LHX8: variants seen among roughly 807,000 people sequenced by gnomAD.
LHX8 encodes the protein LIM homeobox 8.
In LHX8, 12 loss-of-function variants were observed where a neutral mutation model predicts 40.3. The ratio of observed to expected loss-of-function variants is 0.30; its 90% CI spans 0.19 to 0.48. The LOEUF is 0.48. Among genes scored for constraint, LHX8 ranks in the 20% least tolerant of loss-of-function variants. The pLI, the probability that LHX8 is intolerant of heterozygous loss-of-function variation, is 0.99. For synonymous variants in LHX8, 179 were observed against 162.0 expected, an observed-to-expected ratio of 1.10 and a Z score of -0.80; for missense variants, 344 against 433.7, an observed-to-expected ratio of 0.79 and a Z score of 1.84.
chr1:75,188,988 A>G, the LHX8 span, among the ~76,000 whole-genome samples: 1 of 152,114 alleles, frequency 6.6e-6, no homozygotes, highest in Admixed American at 6.5e-5. Flanking sequence ...CATATTTTGC[A>G]TTGACTTTGG....
At chr1:75,173,484 G>A in the LHX8 span, among the ~76,000 whole-genome samples, 7 of 141,242 alleles carry the variant, frequency 5.0e-5, no homozygotes, top group South Asian at 2.3e-4. Context: ...CCGGGTTCAC[G>A]CCATTCTCCT....
intron 7 of LHX8, among the ~76,000 whole-genome samples, chr1:75,156,577 T>C (rs1298242329): frequency 1.3e-5 from 2 of 152,068 alleles, no homozygotes; most frequent in African/African-American, 4.8e-5. Flanking sequence ...ATTCAAGGGG[T>C]AACCTTAACG....
rs1023162641 is a variant in LHX8, at chr1:75,155,427, A to G, written c.781-1466A>G. On this transcript the variant is annotated intron_variant, in intron 7 of 8. Transcript: ENST00000356261. Reference sequence around the variant, plus strand: ...TTTTTTGTATTTTTAGTAGAGATGGAGTTTCACTGTTTTAGCCAGGATGGT... The same window carrying G: ...TTTTTTGTATTTTTAGTAGAGATGGGGTTTCACTGTTTTAGCCAGGATGGT... 6.7e-4 allele frequency among the ~76,000 whole-genome samples: 101 copies of G among 151,720 alleles called. 1 individual carries two copies. Among genetic ancestry groups the G allele is most frequent in the Admixed American group, 3.3e-3 (50 of 15,222 alleles).
intron 1 of LHX8, among the ~76,000 whole-genome samples, chr1:75,136,361 C>G (rs1328965266): frequency 6.6e-6 from 1 of 151,942 alleles, no homozygotes; most frequent in African/African-American, 2.4e-5. Context: ...GCCGGAGACC[C>G]GGAGCCCGGG....
At chr1:75,184,151 A>G in the LHX8 span, among the ~76,000 whole-genome samples, 1 of 152,214 alleles carries the variant, frequency 6.6e-6, no homozygotes, top group Admixed American at 6.5e-5. Flanking sequence ...ACTCACGAAG[A>G]TACTTAGACT....
At chr1:75,129,477 G>A (rs1276601125), upstream of LHX8, among the ~76,000 whole-genome samples, 2 of 152,082 alleles carry the variant, frequency 1.3e-5, no homozygotes, top group Non-Finnish European at 2.9e-5. Flanking sequence ...GAGTTACACC[G>A]GAGGTGGAAG....
chr1:75,177,160 C>G, the LHX8 span, among the ~76,000 whole-genome samples: 4 of 152,102 alleles, frequency 2.6e-5, no homozygotes, highest in African/African-American at 4.8e-5. Context: ...AATGTGGGCT[C>G]TTTTTTGGTT....
At chr1:75,179,038 C>A in the LHX8 span, among the ~76,000 whole-genome samples, 1 of 152,142 alleles carries the variant, frequency 6.6e-6, no homozygotes, top group Non-Finnish European at 1.5e-5. Context: ...GTCTGAGAGG[C>A]AGTTTGTTGT....
chr1:75,150,245 T>G (rs1051297950), intron 7 of LHX8, among the ~76,000 whole-genome samples: 4 of 152,128 alleles, frequency 2.6e-5, no homozygotes, highest in East Asian at 1.9e-4. Flanking sequence ...CTCAAAAAAG[T>G]CAGTGACTTA....
the LHX8 span, among the ~76,000 whole-genome samples, chr1:75,177,455 T>C: frequency 6.6e-6 from 1 of 152,230 alleles, no homozygotes; most frequent in African/African-American, 2.4e-5. Context: ...GGGAGTTCAC[T>C]CGTGAATTGG....
At chr1:75,189,335 A>G in the LHX8 span, among the ~76,000 whole-genome samples, 11 of 152,204 alleles carry the variant, frequency 7.2e-5, no homozygotes, top group African/African-American at 2.4e-4. Flanking sequence ...TCTAAAGGGA[A>G]AGTTTGCCAT....
intron 8 of LHX8, among the ~76,000 whole-genome samples, chr1:75,157,527 G>A (rs193144986): frequency 3.3e-5 from 5 of 152,276 alleles, no homozygotes; most frequent in Middle Eastern, 3.4e-3. Context: ...TAAAATGAAT[G>A]TATCCATATA....
intron 3 of LHX8, 31 bp from the exon 4 acceptor site, chr1:75,140,954 G>A (rs771808595): frequency 1.2e-6 from 2 of 1,611,802 alleles, no homozygotes; most frequent in Non-Finnish European, 1.7e-6. Flanking sequence ...TCTTAAATAT[G>A]ATATTACAAT....
At chr1:75,173,584 G>A in the LHX8 span, among the ~76,000 whole-genome samples, 8 of 151,688 alleles carry the variant, frequency 5.3e-5, no homozygotes, top group South Asian at 2.1e-4. Flanking sequence ...GGATTTCACC[G>A]TGTTAGCCAA....
chr1:75,184,783 A>G, the LHX8 span, among the ~76,000 whole-genome samples: 1 of 152,078 alleles, frequency 6.6e-6, no homozygotes, highest in East Asian at 1.9e-4. Flanking sequence ...AGACCAAGAC[A>G]CAAAAGACCA....
At chr1:75,198,606 T>C in the LHX8 span, among the ~76,000 whole-genome samples, 15,728 of 152,182 alleles carry the variant, frequency 0.1, 1,267 homozygotes, top group African/African-American at 0.22. Context: ...CTCAAGCCTG[T>C]ATTAACAGCC....
chr1:75,162,081 TTAAC>T (rs1484818199), downstream of LHX8, among the ~76,000 whole-genome samples: 1 of 152,254 alleles, frequency 6.6e-6, no homozygotes, highest in Middle Eastern at 3.4e-3. Context: ...AAGTCTGTGT[TTAAC>T]TGAGCAGATT....
upstream of LHX8, among the ~76,000 whole-genome samples, chr1:75,134,041 T>G (rs1300408909): frequency 1.3e-5 from 2 of 152,062 alleles, no homozygotes; most frequent in Non-Finnish European, 1.5e-5. Context: ...GACCTCCACT[T>G]CCCCTTCTGC....
the LHX8 span, among the ~76,000 whole-genome samples, chr1:75,186,158 C>T: frequency 6.6e-6 from 1 of 152,138 alleles, no homozygotes; most frequent in Non-Finnish European, 1.5e-5. Flanking sequence ...ATCAGACTAC[C>T]AATGACATTC....
Sources: allele counts gnomAD v4.1 joint callset (sites outside exome capture counted in the v4.1 genomes callset), GRCh38; gene constraint gnomAD v4.1.1; transcripts MANE v1.5; gene names NCBI Gene and HGNC (gene_info 2026-07-23, HGNC 2026-07-21).